Variants in PROSER2 observed in about 807,000 individuals in gnomAD.
PROSER2 encodes proline and serine rich 2, also known as proline and serine-rich protein 2.
PROSER2 carries 18 observed loss-of-function variants against 14.6 expected under a neutral mutation model. The observed-to-expected ratio is 1.23, with a 90% CI of 0.85 to 1.83. The LOEUF is 1.83. PROSER2 is among the 40% of genes most tolerant of loss of function. PROSER2 has a pLI of 0.00. For missense variants in PROSER2, 823 were observed against 629.8 expected (o/e 1.31, Z -3.28); for synonymous variants, 367 against 286.4 (o/e 1.28, Z -2.84).
At chr10:11,839,091 G>A (rs1484600750) in intron 1 of PROSER2, among the ~76,000 whole-genome samples, 4 of 152,124 alleles carry the variant, frequency 2.6e-5, no homozygotes, top group Non-Finnish European at 4.4e-5. Flanking sequence ...TAAACATTTA[G>A]TACAAACAAC....
intron 2 of PROSER2, among the ~76,000 whole-genome samples, chr10:11,860,236 C>T (rs900352569): frequency 1.3e-5 from 2 of 152,186 alleles, no homozygotes; most frequent in Admixed American, 6.5e-5. Context: ...TCCAGCCCCA[C>T]ACCCTAGAGG....
chr10:11,855,140 G>GTT (rs200816965), intron 2 of PROSER2, among the ~76,000 whole-genome samples: 1,411 of 134,990 alleles, frequency 0.01, 35 homozygotes, highest in African/African-American at 0.033. Flanking sequence ...ATTTATAGAG[G>GTT]TTTTTTGTTT....
intron 1 of PROSER2, among the ~76,000 whole-genome samples, chr10:11,824,266 CAG>C (rs1410357458): frequency 1.3e-5 from 2 of 152,052 alleles, no homozygotes; most frequent in African/African-American, 4.8e-5. Context: ...CCACCCTAAA[CAG>C]AGTAAAACGT....
intron 1 of PROSER2, among the ~76,000 whole-genome samples, chr10:11,826,879 CTTTT>C (rs780415085): frequency 9.5e-6 from 1 of 105,196 alleles, no homozygotes; most frequent in Non-Finnish European, 2.0e-5. Context: ...TGCACCCGGC[CTTTT>C]TTTTTTTTTT....
chr10:11,838,087 C>T lies in PROSER2; in HGVS notation c.-81-13910C>T, dbSNP rs1271833168. On this transcript the variant is annotated intron_variant, in intron 1 of 3. Transcript: ENST00000277570. This position sits in a 1 kb window ranked among gnomAD's most constrained non-coding sequence, Gnocchi z 4.4. ...CCTGATAAATCATTTCTTTAACCTC[C>T]AGGAAACCTTTCCTTTCTGTGTTGG... Among the ~76,000 whole-genome samples, 1 of 152,098 alleles carries T rather than the reference C, an allele frequency of 6.6e-6. No homozygotes were observed. Among genetic ancestry groups the T allele is most frequent in the Non-Finnish European group, 1.5e-5 (1 of 68,024 alleles).
rs1001285234 is a variant in PROSER2 at position 11,869,777 on chromosome 10, A to G, written c.679A>G (p.Thr227Ala). The G allele has an allele frequency of 1.3e-6, 2 of 1,561,066 alleles. No homozygotes were observed. The highest frequency in any genetic ancestry group is 2.7e-5 in the African/African-American group (2 of 73,710). Residue 227 changes from threonine to alanine, a missense_variant, in exon 4 of 4, where the codon ACA becomes GCA. Thr to Ala is a moderately conservative substitution (Grantham distance 58). Transcript: ENST00000277570. This position sits in a 1 kb window ranked among gnomAD's most constrained non-coding sequence, Gnocchi z 4.4. ...FREGRPGEWR[T>A]PAARGPRSGD... Reference sequence around the variant, plus strand: ...GGAGGGCCGGCCCGGGGAGTGGAGGACACCTGCCGCCCGGGGGCCCCGCAG... The same window carrying G: ...GGAGGGCCGGCCCGGGGAGTGGAGGGCACCTGCCGCCCGGGGGCCCCGCAG...
In PROSER2 at chr10:11,870,432, C is replaced by T. The variant is rs12253600; in HGVS notation, c.*26C>T. On this transcript the variant is annotated 3_prime_UTR_variant, in exon 4 of 4. Coordinates refer to ENST00000277570, the MANE Select transcript of PROSER2 (RefSeq NM_153256.4). ...GGGCCGCGCGGGCTCCAGTCCACCC[C>T]GTTTCTCCCCACCCTGAAGAGAGGG... The T allele has an allele frequency of 0.42, 608,040 of 1,438,636 alleles. 131,201 individuals are homozygous for T. Among genetic ancestry groups the T allele is most frequent in the South Asian group, 0.54 (36,908 of 68,562 alleles). 89.1% of individuals were successfully genotyped at this position (1,438,636 alleles called of 1,614,324 possible). A position where few individuals can be genotyped will look rare whatever the true frequency, so the allele number is the denominator to read the frequency against.
intron 1 of PROSER2, among the ~76,000 whole-genome samples, chr10:11,828,930 C>T (rs540185945): frequency 1.3e-5 from 2 of 152,142 alleles, no homozygotes; most frequent in South Asian, 4.2e-4. Context: ...TCAGGGGTGT[C>T]AGAACACCAG....
rs1366787434 is a variant in PROSER2 at position 11,856,469 on chromosome 10, A to G, written c.138+4254A>G. On this transcript the variant is annotated intron_variant, in intron 2 of 3. Coordinates refer to ENST00000277570, the MANE Select transcript of PROSER2 (RefSeq NM_153256.4). This position sits in a 1 kb window ranked among gnomAD's most constrained non-coding sequence, Gnocchi z 5.3. ...GCTCGGAAAGGGCGGAGAGCTCTGC[A>G]CTCGCATGGTTCTCAAGGAGTGGAG... Among the ~76,000 whole-genome samples the G allele has an allele frequency of 6.6e-6, 1 of 152,140 alleles. No individual in the cohort carries two copies. The highest frequency in any genetic ancestry group is 1.5e-5 in the Non-Finnish European group (1 of 68,028).
chr10:11,825,404 T>C (rs11812687), intron 1 of PROSER2, among the ~76,000 whole-genome samples: 3,205 of 152,268 alleles, frequency 0.021, 120 homozygotes, highest in African/African-American at 0.072. Context: ...CGTTTCACTT[T>C]CCTTTGCACT....
At chr10:11,841,406 CTACTG>C (rs1291668466) in intron 1 of PROSER2, among the ~76,000 whole-genome samples, 3 of 151,920 alleles carry the variant, frequency 2.0e-5, no homozygotes, top group African/African-American at 7.2e-5. Flanking sequence ...TTATTTTTCT[CTACTG>C]TATGTTTTTC....
chr10:11,842,590 A>G (rs1398765182), intron 1 of PROSER2, among the ~76,000 whole-genome samples: 2 of 152,036 alleles, frequency 1.3e-5, no homozygotes, highest in Non-Finnish European at 1.5e-5. Flanking sequence ...GTAGTAGAAA[A>G]CAAGACTGTT....
At chr10:11,839,986 C>T (rs998396453) in intron 1 of PROSER2, among the ~76,000 whole-genome samples, 1 of 151,274 alleles carries the variant, frequency 6.6e-6, no homozygotes, top group East Asian at 1.9e-4. Context: ...AGGTCTAGCT[C>T]TGTCACCCAG....
At chr10:11,867,498 C>T (rs1023794799) in intron 3 of PROSER2, among the ~76,000 whole-genome samples, 1 of 151,538 alleles carries the variant, frequency 6.6e-6, no homozygotes, top group African/African-American at 2.4e-5. Flanking sequence ...CTGGCGCACA[C>T]CTGTAGTCCC....
Position 11,859,732 on chromosome 10 carries a change from T to C in PROSER2, c.139-6799T>C, listed in dbSNP as rs867372238. On this transcript the variant is annotated intron_variant, in intron 2 of 3. Transcript: ENST00000277570. Reference sequence around the variant, plus strand: ...TTTGGATTTTTTTACTATAACAGCTTTATCGGGATACAAGTCACATAGCAT... The same window carrying C: ...TTTGGATTTTTTTACTATAACAGCTCTATCGGGATACAAGTCACATAGCAT... 2.0e-5 allele frequency among the ~76,000 whole-genome samples: 3 copies of C among 152,282 alleles called. No individual in the cohort carries two copies. The Middle Eastern group carries it at 0.01, about 522-fold the overall frequency.
At position 11,869,305 on chromosome 10, in the gene PROSER2, G is replaced by T; in HGVS notation, c.392-185G>T. 1 of 613,880 alleles carries T rather than the reference G, an allele frequency of 1.6e-6. No individual in the cohort carries two copies. The highest frequency in any genetic ancestry group is 2.9e-6 in the Non-Finnish European group (1 of 342,772). The allele number at this position is 613,880 out of a possible 1,614,324, so 38.0% of individuals were successfully genotyped here. ...GTCCCTTATCAGCGTGAGGTCATGA[G>T]CATGACATACCACCTTCTCCTTCCC... On this transcript the variant is annotated intron_variant, in intron 3 of 3. Transcript: ENST00000277570. The surrounding 1 kb of genome is among the most constrained non-coding windows in gnomAD (Gnocchi z 4.4).
intron 1 of PROSER2, among the ~76,000 whole-genome samples, chr10:11,841,822 G>T (rs1041413018): frequency 1.3e-5 from 2 of 152,164 alleles, no homozygotes; most frequent in African/African-American, 4.8e-5. Flanking sequence ...TTCTGCATGA[G>T]TCTGAAAGAA....
At chr10:11,850,437 G>A (rs982809089) in intron 1 of PROSER2, 3 of 152,256 alleles carry the variant, frequency 2.0e-5, no homozygotes, top group African/African-American at 7.2e-5. Flanking sequence ...GGGAAAAGGA[G>A]GGCTTTGTGC....
In PROSER2 at chr10:11,870,428, AC is replaced by A. The variant is rs888775436; in HGVS notation, c.*26del. ...GTGAGGGCCGCGCGGGCTCCAGTCC[AC>A]CCCGTTTCTCCCCACCCTGAAGAGA... On this transcript the variant is annotated 3_prime_UTR_variant, in exon 4 of 4. Coordinates refer to ENST00000277570, the MANE Select transcript of PROSER2 (RefSeq NM_153256.4). 7 of 1,450,820 alleles carry A rather than the reference AC, an allele frequency of 4.8e-6. No individual in the cohort carries two copies. The highest frequency in any genetic ancestry group is 3.0e-5 in the Admixed American group (1 of 33,720). The allele number at this position is 1,450,820 out of a possible 1,614,324, so 89.9% of individuals were successfully genotyped here. A position where few individuals can be genotyped will look rare whatever the true frequency, so the allele number is the denominator to read the frequency against.
Sources: gnomAD v4.1 joint callset for allele counts (sites outside exome capture counted in the v4.1 genomes callset) on GRCh38, gnomAD v4.1.1 for gene constraint, Gnocchi (gnomAD v3.1) non-coding constraint, MANE v1.5 for transcripts, NCBI Gene and HGNC (gene_info 2026-07-23, HGNC 2026-07-21) for gene names.